The following CALCOCO2 variants were observed in gnomAD, a reference collection of about 807,000 sequenced individuals.
CALCOCO2 encodes calcium binding and coiled-coil domain 2.
In CALCOCO2, 42 loss-of-function variants were observed where a neutral mutation model predicts 62.5. The observed-to-expected ratio is 0.67, with a 90% CI of 0.53 to 0.87. The LOEUF (loss-of-function observed/expected upper bound fraction) is 0.87. Among genes scored for constraint, CALCOCO2 ranks in the 40% least tolerant of loss-of-function variants. The pLI, the probability that CALCOCO2 is intolerant of heterozygous loss-of-function variation, is 0.00. For synonymous variants in CALCOCO2, 167 were observed against 173.0 expected (o/e 0.97, Z 0.27); for missense variants, 456 against 515.0 (o/e 0.89, Z 1.11).
chr17:48,851,081 A>G lies in CALCOCO2; in HGVS notation c.544-8A>G, dbSNP rs773802331. 8 of 1,534,606 alleles carry G rather than the reference A, an allele frequency of 5.2e-6. No individual in the cohort carries two copies. The African/African-American group carries it at 6.8e-5, about 13-fold the overall frequency. ...AGTCTGTCCCTTTGATGTTGTTTCA[A>G]TCTATAGGAGGAGCTAGAAACCCTA... On this transcript the variant is annotated splice_polypyrimidine_tract_variant and splice_region_variant and intron_variant, in intron 5 of 12. Transcript: ENST00000258947.
At chr17:48,855,836 C>T (rs2040206718) in intron 9 of CALCOCO2, 1 of 221,154 alleles carries the variant, frequency 4.5e-6, no homozygotes, top group South Asian at 1.8e-4. Flanking sequence ...TTTTTCCCTC[C>T]TTGGTCACTT....
At chr17:48,852,689 T>C in intron 8 of CALCOCO2, 61 bp downstream of exon 8, 1 of 1,506,812 alleles carries the variant, frequency 6.6e-7, no homozygotes, top group Non-Finnish European at 9.1e-7. Context: ...CGTTGTTCTT[T>C]GTATAAAGAA....
At chr17:48,832,681 C>G (rs2039832194) in intron 1 of CALCOCO2, among the ~76,000 whole-genome samples, 2 of 152,202 alleles carry the variant, frequency 1.3e-5, no homozygotes, top group African/African-American at 4.8e-5. Flanking sequence ...GCCTAGTCCC[C>G]TTTCCACCAC....
intron 10 of CALCOCO2, among the ~76,000 whole-genome samples, chr17:48,858,046 A>AGAATAGAATAGAATAG: frequency 2.5e-5 from 1 of 40,038 alleles, no homozygotes; most frequent in African/African-American, 9.3e-5. Context: ...ATAGAATAGA[A>AGAATAGAATAGAATAG]AATAGAATAG....
chr17:48,838,586 C>T (rs777672985), intron 1 of CALCOCO2, among the ~76,000 whole-genome samples: 43 of 152,088 alleles, frequency 2.8e-4, no homozygotes, highest in Non-Finnish European at 5.4e-4. Flanking sequence ...TGGTGGCAGG[C>T]GTCTGTAGTG....
chr17:48,858,231 C>A (rs2040273310), intron 10 of CALCOCO2, among the ~76,000 whole-genome samples: 1 of 152,002 alleles, frequency 6.6e-6, no homozygotes, highest in Non-Finnish European at 1.5e-5. Flanking sequence ...TTGATTATAT[C>A]ATTTATGCCA....
At position 48,864,636 on chromosome 17, in the gene CALCOCO2, T is replaced by C. The variant is rs1355115373; in HGVS notation, c.*1631T>C. 1 of 152,450 alleles carries C rather than the reference T, an allele frequency of 6.6e-6. No individual in the cohort carries two copies. Among genetic ancestry groups the C allele is most frequent in the Non-Finnish European group, 1.5e-5 (1 of 68,208 alleles). The allele number at this position is 152,450 out of a possible 1,614,324, so 9.4% of individuals were successfully genotyped here. On this transcript the variant is annotated 3_prime_UTR_variant, in exon 13 of 13. Coordinates refer to ENST00000258947, the MANE Select transcript of CALCOCO2 (RefSeq NM_005831.5). ...TCATGAATAAGGGTTGAGCCAACTA[T>C]AGCTCTGTGTTCCTACTGGGCTTTC...
At chr17:48,838,668 C>T (rs1339592332) in intron 1 of CALCOCO2, among the ~76,000 whole-genome samples, 2 of 151,770 alleles carry the variant, frequency 1.3e-5, no homozygotes, top group Non-Finnish European at 2.9e-5. Flanking sequence ...GAGCCGAGAT[C>T]GCGCCACTGC....
chr17:48,843,272 C>T (rs540622002), intron 2 of CALCOCO2, among the ~76,000 whole-genome samples: 1 of 152,236 alleles, frequency 6.6e-6, no homozygotes, highest in African/African-American at 2.4e-5. Flanking sequence ...CCGTGTCTTT[C>T]CCTCTTATAC....
chr17:48,835,741 TTTTCTTTTCTTTTC>T (rs1237984811), intron 1 of CALCOCO2, among the ~76,000 whole-genome samples: 3 of 147,322 alleles, frequency 2.0e-5, no homozygotes, highest in Admixed American at 6.7e-5. Context: ...TTTTCTTTTC[TTTTCTTTTCTTTTC>T]TTTTTTTTTG....
chr17:48,832,345 G>T (rs2039826280), intron 1 of CALCOCO2, among the ~76,000 whole-genome samples: 1 of 152,238 alleles, frequency 6.6e-6, no homozygotes, highest in Non-Finnish European at 1.5e-5. Flanking sequence ...GGTGAGCCGA[G>T]ATGGCGCCAC....
In CALCOCO2 at chr17:48,863,746, C is replaced by T. The variant is rs568460420; in HGVS notation, c.*741C>T. ...TTAGCAACTATGGGTTTGCAGTTTT[C>T]TGAGTAGGTGAGTTTTGAATATGGG... is the stretch of plus-strand genomic sequence containing the variant. On this transcript the variant is annotated 3_prime_UTR_variant, in exon 13 of 13. Coordinates refer to ENST00000258947, the MANE Select transcript of CALCOCO2 (RefSeq NM_005831.5). 3 of 152,320 alleles carry T rather than the reference C, an allele frequency of 2.0e-5. No homozygotes were observed. Among genetic ancestry groups the T allele is most frequent in the African/African-American group, 7.2e-5 (3 of 41,572 alleles). 9.4% of individuals were successfully genotyped at this position (152,320 alleles called of 1,614,324 possible). A position where few individuals can be genotyped will look rare whatever the true frequency, so the allele number is the denominator to read the frequency against.
chr17:48,855,950 C>T (rs1379445348), intron 9 of CALCOCO2, 142 bp from the exon 10 acceptor site: 1 of 430,982 alleles, frequency 2.3e-6, no homozygotes. Context: ...GCACCCTGCC[C>T]ATAGTACCAT....
chr17:48,856,247 C>T (rs1402801533), intron 10 of CALCOCO2, 60 bp downstream of exon 10: 2 of 911,032 alleles, frequency 2.2e-6, no homozygotes, highest in Non-Finnish European at 3.5e-6. Flanking sequence ...TCAGGGTGGC[C>T]CAGAGATGTA....
chr17:48,862,298 C>T lies in CALCOCO2; in HGVS notation c.1167C>T (p.Pro389=). 6.3e-7 allele frequency: 1 copy of T among 1,587,610 alleles called. No individual in the cohort carries two copies. Among genetic ancestry groups the T allele is most frequent in the African/African-American group, 1.3e-5 (1 of 74,354 alleles). The change falls in exon 12 of 13, where the codon CCC becomes CCT. Residue 389 remains proline, a synonymous_variant. Transcript: ENST00000258947. ...CAGGTATCCAAGAAAGTTCTTCCCC[C>T]AGCCCGGTAAGTATTTGATTCATGA... The part of the protein sequence containing the change: ...PYSGIQESSS[P]SPLSIKKCPI...
At chr17:48,848,887 G>A (rs573695403) in intron 4 of CALCOCO2, 5 of 478,098 alleles carry the variant, frequency 1.0e-5, no homozygotes, top group Admixed American at 9.3e-5. Context: ...TTTTCATCCA[G>A]CACTATGGTA....
chr17:48,854,776 T>C (rs1220539061), intron 9 of CALCOCO2, among the ~76,000 whole-genome samples: 4 of 151,992 alleles, frequency 2.6e-5, no homozygotes, highest in Admixed American at 6.6e-5. Flanking sequence ...GCAATCCTAA[T>C]TCCTCATACA....
intron 2 of CALCOCO2, chr17:48,845,981 A>G: frequency 1.3e-6 from 1 of 756,830 alleles, no homozygotes; most frequent in Non-Finnish European, 2.1e-6. Context: ...AGTTGGCTGT[A>G]AAGTTTCGTC....
chr17:48,841,788 T>G lies in CALCOCO2; in HGVS notation c.81T>G (p.Ser27Arg). 1 of 1,613,448 alleles carries G rather than the reference T, an allele frequency of 6.2e-7. No homozygotes were observed. The highest frequency in any genetic ancestry group is 8.5e-7 in the Non-Finnish European group (1 of 1,179,354). The change falls in exon 2 of 13, where the codon AGT (serine) becomes AGG (arginine). Residue 27 changes from serine to arginine, a missense_variant. Coordinates refer to ENST00000258947, the MANE Select transcript of CALCOCO2 (RefSeq NM_005831.5). ...HCHFSQVIFN[S>R]VEKFYIPGGD... ...ATTTCTCTCAGGTCATCTTTAACAG[T>G]GTGGAGAAGTTCTACATCCCTGGAG... is the stretch of plus-strand genomic sequence containing the variant.
Sources: allele counts gnomAD v4.1 joint callset (sites outside exome capture counted in the v4.1 genomes callset), GRCh38; gene constraint gnomAD v4.1.1; transcripts MANE v1.5; gene names NCBI Gene and HGNC (gene_info 2026-07-23, HGNC 2026-07-21).